Variants in ANO4 observed in about 807,000 individuals in gnomAD.
ANO4 encodes anoctamin 4, also known as anoctamin-4.
ANO4 carries 69 observed loss-of-function variants against 141.9 expected under a neutral mutation model. The ratio of observed to expected loss-of-function variants is 0.49; its 90% CI spans 0.40 to 0.59. The LOEUF (loss-of-function observed/expected upper bound fraction) is 0.59. ANO4 is among the 20% of genes least tolerant of loss of function. ANO4 has a pLI of 0.00. For missense variants in ANO4, 894 were observed against 1,162.2 expected (o/e 0.77, Z 3.36); for synonymous variants, 350 against 394.3 (o/e 0.89, Z 1.33).
intron 1 of ANO4, among the ~76,000 whole-genome samples, chr12:100,872,122 C>T (rs1235597863): frequency 6.6e-6 from 1 of 152,132 alleles, no homozygotes; most frequent in East Asian, 1.9e-4. Context: ...TTAACTTTCT[C>T]AATATTATTC....
intron 5 of ANO4, among the ~76,000 whole-genome samples, chr12:100,955,185 G>C (rs573648020): frequency 2.0e-5 from 3 of 152,320 alleles, no homozygotes; most frequent in African/African-American, 7.2e-5. Context: ...TCCAAAACTT[G>C]TATGTTAAAA....
At chr12:100,944,752 T>G (rs1316365594) in intron 5 of ANO4, among the ~76,000 whole-genome samples, 2 of 152,176 alleles carry the variant, frequency 1.3e-5, no homozygotes, top group African/African-American at 2.4e-5. Context: ...CCTTTGCAGG[T>G]TCTCTTATAG....
intron 2 of ANO4, among the ~76,000 whole-genome samples, chr12:100,913,990 C>T (rs558256417): frequency 9.2e-5 from 14 of 152,300 alleles, no homozygotes; most frequent in African/African-American, 3.4e-4. Flanking sequence ...GTAACGCCTC[C>T]TAATCCTGAG....
chr12:100,828,789 T>A (rs1294712735), intron 1 of ANO4, among the ~76,000 whole-genome samples: 2 of 151,978 alleles, frequency 1.3e-5, no homozygotes, highest in Non-Finnish European at 2.9e-5. Context: ...TTTGGGAGGC[T>A]GGTGGATCAC....
intron 3 of ANO4, among the ~76,000 whole-genome samples, chr12:100,769,912 T>A (rs1385803439): frequency 6.6e-6 from 1 of 151,788 alleles, no homozygotes; most frequent in Non-Finnish European, 1.5e-5. Flanking sequence ...TATTGAGTAC[T>A]ATTTGATATA....
intron 8 of ANO4, among the ~76,000 whole-genome samples, chr12:101,007,768 G>A (rs1312663515): frequency 6.6e-6 from 1 of 152,092 alleles, no homozygotes; most frequent in African/African-American, 2.4e-5. Flanking sequence ...CACACGGGCT[G>A]GAGCACAGCT....
intron 1 of ANO4, among the ~76,000 whole-genome samples, chr12:100,727,928 AC>A (rs1169858171): frequency 6.6e-6 from 1 of 152,178 alleles, no homozygotes; most frequent in Non-Finnish European, 1.5e-5. Context: ...AACAAATTCT[AC>A]ACCTATTCAT....
At chr12:101,008,271 C>T (rs2045948986) in intron 8 of ANO4, among the ~76,000 whole-genome samples, 1 of 152,156 alleles carries the variant, frequency 6.6e-6, no homozygotes, top group Non-Finnish European at 1.5e-5. Context: ...AAACAGCAAT[C>T]CCATGCTTCA....
intron 14 of ANO4, among the ~76,000 whole-genome samples, chr12:101,054,406 A>G (rs1373585270): frequency 6.6e-6 from 1 of 152,268 alleles, no homozygotes; most frequent in Admixed American, 6.5e-5. Context: ...ATTTATGTGC[A>G]ATAAAATCCA....
At chr12:100,798,424 A>G (rs911084203) in intron 1 of ANO4, among the ~76,000 whole-genome samples, 3 of 152,184 alleles carry the variant, frequency 2.0e-5, no homozygotes, top group Admixed American at 6.5e-5. Context: ...AGCTCTGGTA[A>G]TCTACTTGGA....
chr12:101,040,515 G>C (rs1181442732), intron 11 of ANO4, among the ~76,000 whole-genome samples: 2 of 152,174 alleles, frequency 1.3e-5, no homozygotes, highest in African/African-American at 4.8e-5. Flanking sequence ...TTTTCATTCA[G>C]AACTAATAAC....
chr12:100,919,109 T>G (rs2041485490), intron 2 of ANO4, among the ~76,000 whole-genome samples: 2 of 152,186 alleles, frequency 1.3e-5, no homozygotes, highest in South Asian at 4.1e-4. Flanking sequence ...AAAATGTGTT[T>G]TTGTTTTAGG....
intron 13 of ANO4, among the ~76,000 whole-genome samples, chr12:101,045,086 A>G (rs1223700907): frequency 1.3e-5 from 2 of 152,278 alleles, no homozygotes; most frequent in Admixed American, 6.5e-5. Context: ...CGTCATGAAT[A>G]GTTTATGAGT....
chr12:101,125,275 G>A (rs1161704248), intron 26 of ANO4, among the ~76,000 whole-genome samples: 1 of 152,046 alleles, frequency 6.6e-6, no homozygotes, highest in African/African-American at 2.4e-5. Context: ...CTTGCCTGTT[G>A]TTAGTGGTTA....
intron 6 of ANO4, among the ~76,000 whole-genome samples, chr12:100,973,784 T>C (rs1017444933): frequency 6.6e-6 from 1 of 152,218 alleles, no homozygotes; most frequent in African/African-American, 2.4e-5. Context: ...CAAAGGCATA[T>C]CATGTATCCA....
chr12:101,015,685 G>C (rs1352274031), intron 8 of ANO4, among the ~76,000 whole-genome samples: 1 of 152,160 alleles, frequency 6.6e-6, no homozygotes, highest in African/African-American at 2.4e-5. Flanking sequence ...AGTTTTGATA[G>C]ACCTGACCAA....
intron 5 of ANO4, among the ~76,000 whole-genome samples, chr12:100,943,562 G>A (rs2042598487): frequency 6.6e-6 from 1 of 152,078 alleles, no homozygotes; most frequent in South Asian, 2.1e-4. Context: ...TTTATAACAC[G>A]GAAGCAGCAT....
At position 101,063,795 on chromosome 12, in the gene ANO4, A is replaced by AT. The variant is rs372892735; in HGVS notation, c.1313-15395dup. Among the ~76,000 whole-genome samples, 34 of 77,318 alleles carry AT rather than the reference A, an allele frequency of 4.4e-4. 1 individual carries two copies. Among genetic ancestry groups the AT allele is most frequent in the African/African-American group, 1.8e-3 (33 of 18,170 alleles). 50.7% of individuals were successfully genotyped at this position (77,318 alleles called of 152,430 possible). A position where few individuals can be genotyped will look rare whatever the true frequency, so the allele number is the denominator to read the frequency against. On this transcript the variant is annotated intron_variant, in intron 14 of 27. Transcript: ENST00000392977. Reference sequence around the variant, plus strand: ...TTTTTTTTTGCCTTTGAAAGAGTCAATTTGTGAATTTATTGGCATAAATTT... The same window carrying AT: ...TTTTTTTTTGCCTTTGAAAGAGTCAATTTTGTGAATTTATTGGCATAAATTT...
chr12:100,717,506 T>G (rs1396206321), upstream of ANO4: 1 of 398,860 alleles, frequency 2.5e-6, no homozygotes, highest in Admixed American at 4.4e-5. Context: ...CTGGCCAGTC[T>G]GGGCAGGACG....
Sources: allele counts gnomAD v4.1 joint callset (sites outside exome capture counted in the v4.1 genomes callset), GRCh38; gene constraint gnomAD v4.1.1; transcripts MANE v1.5; gene names NCBI Gene and HGNC (gene_info 2026-07-23, HGNC 2026-07-21).